Variants in ADARB2 observed in about 807,000 individuals in gnomAD.
ADARB2 encodes inactive double-stranded RNA-specific editase B2.
In ADARB2, 25 loss-of-function variants were observed where a neutral mutation model predicts 62.2. The observed-to-expected ratio is 0.40, with a 90% CI of 0.29 to 0.56. The LOEUF (loss-of-function observed/expected upper bound fraction) is 0.56, where lower values mean the gene tolerates loss of function less well. ADARB2 is among the 20% of genes least tolerant of loss of function. ADARB2 has a pLI of 0.43. For missense variants in ADARB2, 1,071 were observed against 1,077.4 expected, an observed-to-expected ratio of 0.99 and a Z score of 0.08; for synonymous variants, 572 against 500.8, an observed-to-expected ratio of 1.14 and a Z score of -1.90.
chr10:1,263,178 GC>G (rs1430215998), intron 4 of ADARB2, among the ~76,000 whole-genome samples: 13 of 151,784 alleles, frequency 8.6e-5, no homozygotes, highest in African/African-American at 2.7e-4. Context: ...TATACCTAAT[GC>G]TAAATGATGA....
At chr10:1,603,995 G>T (rs1833464410) in intron 1 of ADARB2, among the ~76,000 whole-genome samples, 1 of 152,058 alleles carries the variant, frequency 6.6e-6, no homozygotes, top group Non-Finnish European at 1.5e-5. Context: ...AGTAAAGATG[G>T]GGTTTCACTA....
chr10:1,253,675 C>G (rs181670887), intron 4 of ADARB2, among the ~76,000 whole-genome samples: 79 of 152,288 alleles, frequency 5.2e-4, no homozygotes, highest in African/African-American at 1.9e-3. Flanking sequence ...TGTGGTTGGG[C>G]TACACCAGCT....
At position 1,488,751 on chromosome 10, in the gene ADARB2, C is replaced by G. The variant is rs548052961; in HGVS notation, c.101-109591G>C. Among the ~76,000 whole-genome samples the G allele has an allele frequency of 5.9e-5, 9 of 152,302 alleles. No homozygotes were observed. In the South Asian group the frequency reaches 1.9e-3, roughly 32 times the overall value. The stretch of plus-strand genomic sequence containing the variant: ...CTGTGAATTCTGGGCCTGCGCGAGT[C>G]TGAGAAGAGCAATGCTCCCTAACAG... On this transcript the variant is annotated intron_variant, in intron 1 of 9. Coordinates refer to ENST00000381312, the MANE Select transcript of ADARB2 (RefSeq NM_018702.4).
rs575400526 is a variant in ADARB2, at chr10:1,615,381, C to G, written c.100+121670G>C. Among the ~76,000 whole-genome samples, 6 of 152,350 alleles carry G rather than the reference C, an allele frequency of 3.9e-5. No individual in the cohort carries two copies. In the South Asian group the frequency reaches 1.2e-3, roughly 32 times the overall value. On this transcript the variant is annotated intron_variant, in intron 1 of 9. Coordinates refer to ENST00000381312, the MANE Select transcript of ADARB2 (RefSeq NM_018702.4). ...TCCCCTCCAGCCCATGCTGGGGAGG[C>G]AGCACAGCCCTGGATGTGGCCCAGG... is the stretch of plus-strand genomic sequence containing the variant.
rs543476340 is a variant in ADARB2 at position 1,261,701 on chromosome 10, C to A, written c.1192+9254G>T. Among the ~76,000 whole-genome samples the A allele has an allele frequency of 1.3e-3, 193 of 149,634 alleles. 2 individuals are homozygous for A. Among genetic ancestry groups the A allele is most frequent in the Middle Eastern group, 3.4e-3 (1 of 292 alleles). On this transcript the variant is annotated intron_variant, in intron 4 of 9. Transcript: ENST00000381312. ...ACTTTTACACTGTTGGTGGGACTGT[C>A]AACTAGTTCAACCATTGTGGAAGTC...
intron 1 of ADARB2, among the ~76,000 whole-genome samples, chr10:1,540,929 G>A (rs1432292600): frequency 3.4e-5 from 2 of 59,294 alleles, no homozygotes; most frequent in Non-Finnish European, 3.2e-5. Flanking sequence ...CCCTGGATCC[G>A]TCCAGACCCC....
chr10:1,224,902 G>T (rs1257243491), intron 6 of ADARB2, among the ~76,000 whole-genome samples: 3 of 152,190 alleles, frequency 2.0e-5, no homozygotes, highest in Admixed American at 2.0e-4. Flanking sequence ...GTTGATTTGG[G>T]GTGGAGAGTT....
At chr10:1,650,700 C>T (rs185877053) in intron 1 of ADARB2, among the ~76,000 whole-genome samples, 39 of 152,328 alleles carry the variant, frequency 2.6e-4, no homozygotes, top group African/African-American at 8.9e-4. Flanking sequence ...TGGAGTGAAG[C>T]TTTAATTCTC....
intron 1 of ADARB2, among the ~76,000 whole-genome samples, chr10:1,622,211 C>T (rs1340902489): frequency 6.6e-6 from 1 of 152,218 alleles, no homozygotes; most frequent in Admixed American, 6.5e-5. Context: ...AACCACAGAC[C>T]TAAAGACCCT....
intron 8 of ADARB2, among the ~76,000 whole-genome samples, chr10:1,195,523 C>T (rs766733599): frequency 1.3e-4 from 20 of 151,014 alleles, no homozygotes; most frequent in Non-Finnish European, 7.4e-5. Flanking sequence ...TAGGCAGAGA[C>T]GACGTTGAAA....
intron 1 of ADARB2, among the ~76,000 whole-genome samples, chr10:1,650,631 CCTTACTAT>C (rs1489278863): frequency 6.6e-6 from 1 of 152,192 alleles, no homozygotes; most frequent in African/African-American, 2.4e-5. Context: ...TTAATCTGTC[CCTTACTAT>C]CTTAAATTAA....
rs896968521 is a variant in ADARB2, at chr10:1,581,840, G to A, written c.100+155211C>T. 1.2e-3 allele frequency among the ~76,000 whole-genome samples: 183 copies of A among 146,880 alleles called. 1 individual carries two copies. Among genetic ancestry groups the A allele is most frequent in the Middle Eastern group, 6.8e-3 (2 of 294 alleles). ...CTTAGAAATAGATGTGTGTGTGTGTGTGTGTGTGTGTGTGTGTGTGTGTGT... is the reference window on the plus strand; with the variant it reads ...CTTAGAAATAGATGTGTGTGTGTGTATGTGTGTGTGTGTGTGTGTGTGTGT... On this transcript the variant is annotated intron_variant, in intron 1 of 9. Transcript: ENST00000381312.
intron 1 of ADARB2, among the ~76,000 whole-genome samples, chr10:1,732,161 G>A (rs1835241327): frequency 6.6e-6 from 1 of 151,648 alleles, no homozygotes; most frequent in Non-Finnish European, 1.5e-5. Context: ...TGTTTCAGCT[G>A]CTTTTACCGT....
At chr10:1,631,411 G>A (rs1833842538) in intron 1 of ADARB2, among the ~76,000 whole-genome samples, 2 of 152,170 alleles carry the variant, frequency 1.3e-5, no homozygotes, top group African/African-American at 2.4e-5. Flanking sequence ...CTGGTGACTG[G>A]GCAGGCTCGG....
rs1832844556 is a variant in ADARB2, at chr10:1,420,662, A to ACAGAGAG, written c.101-41509_101-41503dup. Among the ~76,000 whole-genome samples the ACAGAGAG allele has an allele frequency of 2.0e-5, 3 of 151,976 alleles. No individual in the cohort carries two copies. In the South Asian group the frequency reaches 6.3e-4, roughly 32 times the overall value. ...GGAAAGGAAATAGCTCGGCTGAGAA[A>ACAGAGAG]CAGAGAGCGAGTGAGCACAGCGCTG... On this transcript the variant is annotated intron_variant, in intron 1 of 9. Transcript: ENST00000381312.
intron 1 of ADARB2, among the ~76,000 whole-genome samples, chr10:1,455,322 T>A (rs1033546189): frequency 6.6e-6 from 1 of 152,216 alleles, no homozygotes; most frequent in Non-Finnish European, 1.5e-5. Flanking sequence ...ATTTAAAATG[T>A]TAATTTAAAA....
At chr10:1,254,310 C>A (rs1310187545) in intron 4 of ADARB2, among the ~76,000 whole-genome samples, 1 of 152,146 alleles carries the variant, frequency 6.6e-6, no homozygotes, top group Non-Finnish European at 1.5e-5. Flanking sequence ...GGTGACATCA[C>A]CAGAACCGTC....
chr10:1,586,012 T>G (rs11250643), intron 1 of ADARB2, among the ~76,000 whole-genome samples: 67 of 152,142 alleles, frequency 4.4e-4, no homozygotes, highest in African/African-American at 1.4e-3. Context: ...CCAGCCTGGG[T>G]GACAGAGCGA....
intron 1 of ADARB2, among the ~76,000 whole-genome samples, chr10:1,470,767 G>A (rs1048917185): frequency 7.2e-5 from 11 of 152,186 alleles, no homozygotes; most frequent in East Asian, 1.9e-4. Context: ...GGCCAGGGGC[G>A]GTGGCTCACG....
Sources: allele counts gnomAD v4.1 joint callset (sites outside exome capture counted in the v4.1 genomes callset), GRCh38; gene constraint gnomAD v4.1.1; transcripts MANE v1.5; gene names NCBI Gene and HGNC (gene_info 2026-07-23, HGNC 2026-07-21).